GRK5: variants seen among roughly 807,000 people sequenced by gnomAD.
The protein encoded by GRK5 is G protein-coupled receptor kinase 5, also known as g protein-coupled receptor kinase GRK5.
GRK5 carries 40 observed loss-of-function variants against 78.4 expected under a neutral mutation model. The observed-to-expected ratio is 0.51, with a 90% confidence interval of 0.40 to 0.66. The LOEUF (loss-of-function observed/expected upper bound fraction) is 0.66, where lower values mean the gene tolerates loss of function less well. Among genes scored for constraint, GRK5 ranks in the 30% least tolerant of loss-of-function variants. The probability of loss-of-function intolerance (pLI) is 0.00; values close to 1 mark genes in which losing one functional copy is unlikely to be tolerated. For synonymous variants in GRK5, 289 were observed against 296.8 expected, an observed-to-expected ratio of 0.97 and a Z score of 0.27; for missense variants, 598 against 759.9, an observed-to-expected ratio of 0.79 and a Z score of 2.50.
intron 1 of GRK5, among the ~76,000 whole-genome samples, chr10:119,307,118 C>T (rs186899198): frequency 3.5e-4 from 54 of 152,158 alleles, no homozygotes; most frequent in Admixed American, 1.2e-3. Flanking sequence ...AAATGCTTTA[C>T]GTGCATCAGC....
intron 1 of GRK5, among the ~76,000 whole-genome samples, chr10:119,316,661 CAGGG>C (rs575720585): frequency 6.6e-6 from 1 of 152,216 alleles, no homozygotes; most frequent in Non-Finnish European, 1.5e-5. Context: ...AAACCCTTGA[CAGGG>C]AGAGGTGCCC....
chr10:119,274,495 C>T (rs898862683), intron 1 of GRK5, among the ~76,000 whole-genome samples: 4 of 152,162 alleles, frequency 2.6e-5, no homozygotes, highest in Non-Finnish European at 4.4e-5. Context: ...GTGAACTCTG[C>T]ATGTTACCTT....
Position 119,452,843 on chromosome 10 carries a change from G to A in GRK5, c.1542+35G>A, listed in dbSNP as rs41284422. 3 of 1,588,684 alleles carry A rather than the reference G, an allele frequency of 1.9e-6. No individual in the cohort carries two copies. The highest frequency in any genetic ancestry group is 1.7e-6 in the Non-Finnish European group (2 of 1,160,714). ...GCAGACCACTTGCTTTGGTCTGGGT[G>A]GGAGGGAGGGACTGACGGGTGGAAG... is the stretch of plus-strand genomic sequence containing the variant. On this transcript the variant is annotated intron_variant, in intron 14 of 15. Transcript: ENST00000392870. The surrounding 1 kb of genome is among the most constrained non-coding windows in gnomAD (Gnocchi z 4.4).
chr10:119,300,728 C>A (rs778742082), intron 1 of GRK5, among the ~76,000 whole-genome samples: 14 of 152,092 alleles, frequency 9.2e-5, no homozygotes, highest in Non-Finnish European at 2.1e-4. Context: ...AATATCTTGA[C>A]CTTGAGGTTT....
In GRK5 at chr10:119,452,958, G is replaced by T; in HGVS notation, c.1542+150G>T. Reference sequence around the variant, plus strand: ...AGGCAGCACACAAAAGCTGTCAGTGGCCAAGTAGGGAGCTGTAGCCACCAC... The same window carrying T: ...AGGCAGCACACAAAAGCTGTCAGTGTCCAAGTAGGGAGCTGTAGCCACCAC... On this transcript the variant is annotated intron_variant, in intron 14 of 15. Coordinates refer to ENST00000392870, the MANE Select transcript of GRK5 (RefSeq NM_005308.3). The surrounding 1 kb of genome is among the most constrained non-coding windows in gnomAD (Gnocchi z 4.4). 9.5e-7 allele frequency: 1 copy of T among 1,049,078 alleles called. No individual in the cohort carries two copies. The allele number at this position is 1,049,078 out of a possible 1,614,324, so 65.0% of individuals were successfully genotyped here.
chr10:119,309,478 C>A (rs964152399), intron 1 of GRK5, among the ~76,000 whole-genome samples: 4 of 152,216 alleles, frequency 2.6e-5, no homozygotes. Flanking sequence ...GTCCTTTCAA[C>A]CCCCAGGTCC....
At position 119,452,148 on chromosome 10, in the gene GRK5, C is replaced by T. The variant is rs763550936; in HGVS notation, c.1405-523C>T. Among the ~76,000 whole-genome samples the T allele has an allele frequency of 3.9e-5, 6 of 152,210 alleles. No homozygotes were observed. The highest frequency in any genetic ancestry group is 8.8e-5 in the Non-Finnish European group (6 of 68,026). On this transcript the variant is annotated intron_variant, in intron 13 of 15. Transcript: ENST00000392870. The surrounding 1 kb of genome is among the most constrained non-coding windows in gnomAD (Gnocchi z 4.4). ...AGCTCCCAGTTACGGGCGCCAGGCTCGGTGGCCAGCACTGACAGCAGCCCC... is the reference window on the plus strand; with the variant it reads ...AGCTCCCAGTTACGGGCGCCAGGCTTGGTGGCCAGCACTGACAGCAGCCCC...
At chr10:119,220,463 G>T (rs1293783920) in intron 1 of GRK5, among the ~76,000 whole-genome samples, 1 of 152,206 alleles carries the variant, frequency 6.6e-6, no homozygotes, top group East Asian at 1.9e-4. Context: ...GCACCTCTTA[G>T]TTTATGCTTC....
At chr10:119,333,672 G>A (rs1589750208) in intron 2 of GRK5, 1 of 461,396 alleles carries the variant, frequency 2.2e-6, no homozygotes, top group East Asian at 6.5e-5. Context: ...AGGGGTGGAC[G>A]TTTCTGTCTC....
At chr10:119,275,633 A>G (rs1849659432) in intron 1 of GRK5, among the ~76,000 whole-genome samples, 2 of 151,838 alleles carry the variant, frequency 1.3e-5, no homozygotes, top group South Asian at 2.1e-4. Flanking sequence ...ACACACACAC[A>G]CACACACACA....
chr10:119,303,829 G>A (rs185348623), intron 1 of GRK5, among the ~76,000 whole-genome samples: 159 of 152,110 alleles, frequency 1.0e-3, no homozygotes, highest in African/African-American at 3.4e-3. Context: ...GATCCAGTGT[G>A]GCATGGAAGG....
chr10:119,334,136 C>T (rs148269950), intron 2 of GRK5, among the ~76,000 whole-genome samples: 71 of 152,202 alleles, frequency 4.7e-4, no homozygotes, highest in African/African-American at 1.7e-3. Flanking sequence ...CGGTGCAGGC[C>T]TGAGCATTGA....
intron 3 of GRK5, among the ~76,000 whole-genome samples, chr10:119,388,437 A>C (rs1407357942): frequency 6.6e-6 from 1 of 152,150 alleles, no homozygotes; most frequent in Non-Finnish European, 1.5e-5. Flanking sequence ...CCTGGGTTCA[A>C]GTGATTCTCG....
chr10:119,415,456 T>C (rs554305397), intron 4 of GRK5, among the ~76,000 whole-genome samples: 8 of 152,090 alleles, frequency 5.3e-5, no homozygotes, highest in African/African-American at 1.9e-4. Flanking sequence ...CCTATAGGCA[T>C]TGGGGGCCGC....
intron 5 of GRK5, among the ~76,000 whole-genome samples, chr10:119,424,674 G>A (rs1001206855): frequency 4.6e-5 from 7 of 151,714 alleles, no homozygotes; most frequent in Non-Finnish European, 1.0e-4. Context: ...CATTCATGAT[G>A]ACATACCTCT....
intron 2 of GRK5, among the ~76,000 whole-genome samples, chr10:119,353,093 A>G (rs1435723291): frequency 6.6e-6 from 1 of 152,260 alleles, no homozygotes; most frequent in Non-Finnish European, 1.5e-5. Flanking sequence ...GGACTGGTTC[A>G]GAGATCAAAT....
intron 1 of GRK5, among the ~76,000 whole-genome samples, chr10:119,278,809 G>A (rs1240616522): frequency 1.3e-5 from 2 of 152,226 alleles, no homozygotes; most frequent in African/African-American, 4.8e-5. Flanking sequence ...GGAGATGGCC[G>A]CCCCCTTGCT....
chr10:119,364,930 C>T (rs983287431), intron 2 of GRK5, among the ~76,000 whole-genome samples: 2 of 152,194 alleles, frequency 1.3e-5, no homozygotes, highest in Admixed American at 1.3e-4. Context: ...CAATCATATT[C>T]TTTGATCATC....
intron 1 of GRK5, among the ~76,000 whole-genome samples, chr10:119,301,625 G>C (rs984829380): frequency 2.0e-5 from 3 of 152,170 alleles, no homozygotes; most frequent in Admixed American, 6.5e-5. Context: ...CTTGTCCTCT[G>C]CCCAAGAAGT....
Sources: allele counts gnomAD v4.1 joint callset (sites outside exome capture counted in the v4.1 genomes callset), GRCh38; gene constraint gnomAD v4.1.1; non-coding constraint Gnocchi (gnomAD v3.1); transcripts MANE v1.5; gene names NCBI Gene and HGNC (gene_info 2026-07-23, HGNC 2026-07-21).